TGFBR2: variants seen among roughly 807,000 people sequenced by gnomAD.
TGFBR2 encodes transforming growth factor beta receptor 2.
Under a neutral mutation model 49.0 loss-of-function variants are expected in TGFBR2, and 18 were observed. The observed-to-expected ratio is 0.37, with a 90% CI of 0.25 to 0.54. The LOEUF is 0.54. Among genes scored for constraint, TGFBR2 ranks in the 20% least tolerant of loss-of-function variants. TGFBR2 has a pLI of 0.85. For synonymous variants in TGFBR2, 282 were observed against 275.9 expected (o/e 1.02, Z -0.22); for missense variants, 525 against 722.6 (o/e 0.73, Z 3.13).
chr3:30,642,316 G>C (rs1403408305), intron 1 of TGFBR2, among the ~76,000 whole-genome samples: 1 of 152,046 alleles, frequency 6.6e-6, no homozygotes, highest in African/African-American at 2.4e-5. Flanking sequence ...GGTGGGAGTG[G>C]GGGGGTTGCT....
chr3:30,609,172 A>G (rs1697988465), intron 1 of TGFBR2, among the ~76,000 whole-genome samples: 1 of 152,240 alleles, frequency 6.6e-6, no homozygotes, highest in Admixed American at 6.5e-5. Flanking sequence ...TGGTTGAATT[A>G]ATGAATCATT....
intron 2 of TGFBR2, among the ~76,000 whole-genome samples, chr3:30,648,419 TACACACACACAC>T (rs35473576): frequency 0.037 from 4,220 of 115,604 alleles, 166 homozygotes; most frequent in African/African-American, 0.11. Context: ...AAAAACAACC[TACACACACACAC>T]ACACACACAC....
At chr3:30,609,578 A>T (rs1306024473) in intron 1 of TGFBR2, among the ~76,000 whole-genome samples, 1 of 152,206 alleles carries the variant, frequency 6.6e-6, no homozygotes, top group Non-Finnish European at 1.5e-5. Context: ...TTCCTAAATG[A>T]TCAAAATTAA....
Position 30,672,489 on chromosome 3 carries a change from T to C in TGFBR2, c.1254+52T>C, listed in dbSNP as rs1299182943. 1.9e-6 allele frequency: 3 copies of C among 1,574,620 alleles called. No individual in the cohort carries two copies. The Admixed American group carries it at 5.0e-5, about 26-fold the overall frequency. On this transcript the variant is annotated intron_variant, in intron 4 of 6. Coordinates refer to ENST00000295754, the MANE Select transcript of TGFBR2 (RefSeq NM_003242.6). The surrounding 1 kb of genome is among the most constrained non-coding windows in gnomAD (Gnocchi z 4.5). ...CTTTACCTTGAGCCTGGCCTCACCC[T>C]ACCTCTTGATCCATATCTCCTGGCT...
At chr3:30,636,135 C>T (rs1698523867) in intron 1 of TGFBR2, among the ~76,000 whole-genome samples, 1 of 145,186 alleles carries the variant, frequency 6.9e-6, no homozygotes, top group Non-Finnish European at 1.5e-5. Context: ...TAGGTAGTTT[C>T]AGTGTGAAAA....
intron 1 of TGFBR2, among the ~76,000 whole-genome samples, chr3:30,642,299 G>T (rs1169422416): frequency 1.3e-5 from 2 of 151,898 alleles, no homozygotes; most frequent in Admixed American, 6.6e-5. Flanking sequence ...TGTGTTTGTG[G>T]TGGTGGGGTG....
At chr3:30,621,402 T>C (rs1454080896) in intron 1 of TGFBR2, among the ~76,000 whole-genome samples, 1 of 147,020 alleles carries the variant, frequency 6.8e-6, no homozygotes, top group Non-Finnish European at 1.5e-5. Context: ...TGCCTCAGCC[T>C]CCCGAGTAGC....
intron 1 of TGFBR2, among the ~76,000 whole-genome samples, chr3:30,644,042 A>G (rs1040947005): frequency 2.0e-5 from 3 of 152,184 alleles, no homozygotes; most frequent in South Asian, 2.1e-4. Context: ...CATAACTCCA[A>G]TGCCTCACCA....
intron 3 of TGFBR2, among the ~76,000 whole-genome samples, chr3:30,667,624 T>C (rs1699267445): frequency 6.6e-6 from 1 of 152,176 alleles, no homozygotes; most frequent in Admixed American, 6.5e-5. Context: ...GTGCCACACA[T>C]AAACTTAAGG....
At chr3:30,679,953 C>T (rs910333586) in intron 5 of TGFBR2, among the ~76,000 whole-genome samples, 1 of 152,158 alleles carries the variant, frequency 6.6e-6, no homozygotes, top group East Asian at 1.9e-4. Context: ...TGGTGAAATG[C>T]CATCTCTACT....
At chr3:30,657,810 G>A (rs1699035997) in intron 3 of TGFBR2, among the ~76,000 whole-genome samples, 1 of 152,174 alleles carries the variant, frequency 6.6e-6, no homozygotes, top group Admixed American at 6.5e-5. Flanking sequence ...AAGGAGTCCT[G>A]TGAATCAAAG....
chr3:30,621,143 T>C (rs1298197737), intron 1 of TGFBR2, among the ~76,000 whole-genome samples: 6 of 152,172 alleles, frequency 3.9e-5, no homozygotes. Context: ...TTCAGCCAGA[T>C]CATCACCCAT....
chr3:30,616,708 A>G (rs1698139530), intron 1 of TGFBR2, among the ~76,000 whole-genome samples: 1 of 152,210 alleles, frequency 6.6e-6, no homozygotes, highest in South Asian at 2.1e-4. Context: ...TAGAAAACTA[A>G]CAAAAGTCAT....
chr3:30,653,250 C>CTTTTTTTTTTTTT (rs3076740), intron 3 of TGFBR2, among the ~76,000 whole-genome samples: 1 of 113,438 alleles, frequency 8.8e-6, no homozygotes, highest in Non-Finnish European at 1.7e-5. Context: ...GGAATGAAAA[C>CTTTTTTTTTTTTT]TTTTTTTTTT....
Position 30,691,451 on chromosome 3 carries a change from A to C in TGFBR2, c.1556A>C (p.Glu519Ala). The change falls in exon 7 of 7, where the codon GAG becomes GCG. Residue 519 changes from glutamate to alanine, a missense_variant. Physicochemically the swap from Glu to Ala is moderately radical, Grantham distance 107. Around this residue, in one of 3 missense-constraint regions of TGFBR2, gnomAD observed 104 missense variants for 133.4 expected, o/e 0.78. Transcript: ENST00000295754. ...GIQMVCETLTECWDHDPEARL... is the reference protein window; with the variant it reads ...GIQMVCETLTACWDHDPEARL... ...CAGATGGTGTGTGAGACGTTGACTG[A>C]GTGCTGGGACCACGACCCAGAGGCC... The C allele has an allele frequency of 6.2e-7, 1 of 1,613,950 alleles. No individual in the cohort carries two copies. The highest frequency in any genetic ancestry group is 8.5e-7 in the Non-Finnish European group (1 of 1,179,948).
At chr3:30,689,417 C>G (rs1699677155) in intron 6 of TGFBR2, among the ~76,000 whole-genome samples, 1 of 152,212 alleles carries the variant, frequency 6.6e-6, no homozygotes, top group South Asian at 2.1e-4. Context: ...TTTATTGCCT[C>G]TTTTGGATGA....
intron 2 of TGFBR2, among the ~76,000 whole-genome samples, chr3:30,647,718 C>G (rs114898422): frequency 0.079 from 12,049 of 151,708 alleles, 604 homozygotes; most frequent in African/African-American, 0.13. Context: ...CCACTGTTGC[C>G]CAGGCTGGAG....
chr3:30,680,476 C>G (rs899459944), intron 5 of TGFBR2, among the ~76,000 whole-genome samples: 19 of 151,624 alleles, frequency 1.3e-4, no homozygotes, highest in Non-Finnish European at 2.5e-4. Flanking sequence ...GCCAGGGATA[C>G]AGCAGTTTAA....
In TGFBR2 at chr3:30,692,737, A is replaced by T. The variant is rs1356889948; in HGVS notation, c.*1138A>T. The T allele has an allele frequency of 2.1e-5, 5 of 233,170 alleles. No individual in the cohort carries two copies. Among genetic ancestry groups the T allele is most frequent in the African/African-American group, 1.1e-4 (5 of 45,348 alleles). The allele number at this position is 233,170 out of a possible 1,614,324, so 14.4% of individuals were successfully genotyped here. On this transcript the variant is annotated 3_prime_UTR_variant, in exon 7 of 7. Coordinates refer to ENST00000295754, the MANE Select transcript of TGFBR2 (RefSeq NM_003242.6). Reference sequence around the variant, plus strand: ...ACACAATACTATCATTGTCAGGACTATGACCTCAGGCACTCTAAACATATG... The same window carrying T: ...ACACAATACTATCATTGTCAGGACTTTGACCTCAGGCACTCTAAACATATG...
Sources: allele counts gnomAD v4.1 joint callset (sites outside exome capture counted in the v4.1 genomes callset), GRCh38; gene constraint gnomAD v4.1.1; regional missense constraint gnomAD v4.1.1; non-coding constraint Gnocchi (gnomAD v3.1); transcripts MANE v1.5; gene names NCBI Gene and HGNC (gene_info 2026-07-23, HGNC 2026-07-21).